Variants in PBX3 observed in about 807,000 individuals in gnomAD.
The protein encoded by PBX3 is PBX homeobox 3.
A neutral mutation model predicts 48.5 loss-of-function variants in PBX3; 14 were observed. The observed-to-expected ratio is 0.29, with a 90% confidence interval of 0.19 to 0.45. The LOEUF (loss-of-function observed/expected upper bound fraction) is 0.45. PBX3 is among the 20% of genes least tolerant of loss of function. PBX3 has a pLI of 1.00. For missense variants in PBX3, 386 were observed against 546.7 expected (o/e 0.71, Z 2.93); for synonymous variants, 210 against 200.3 (o/e 1.05, Z -0.41).
At chr9:125,815,864 T>G (rs1838444988) in intron 2 of PBX3, among the ~76,000 whole-genome samples, 1 of 152,166 alleles carries the variant, frequency 6.6e-6, no homozygotes, top group Non-Finnish European at 1.5e-5. Flanking sequence ...TCCTTCTCAT[T>G]GTAGATTTGG....
intron 2 of PBX3, among the ~76,000 whole-genome samples, chr9:125,864,415 C>T (rs1839932238): frequency 6.6e-6 from 1 of 152,120 alleles, no homozygotes; most frequent in Admixed American, 6.6e-5. Flanking sequence ...AGGATGGTTT[C>T]AGGATGATTC....
At position 125,765,429 on chromosome 9, in the gene PBX3, C is replaced by T. The variant is rs544700558; in HGVS notation, c.274+16806C>T. Among the ~76,000 whole-genome samples, 14 of 152,130 alleles carry T rather than the reference C, an allele frequency of 9.2e-5. No individual in the cohort carries two copies. The South Asian group carries it at 2.3e-3, about 25-fold the overall frequency. ...CCTCCCAGAGTGCTGGGATTACAGGCGTGAGGCACAGCGCCCGACCAAGAA... is the reference window on the plus strand; with the variant it reads ...CCTCCCAGAGTGCTGGGATTACAGGTGTGAGGCACAGCGCCCGACCAAGAA... On this transcript the variant is annotated intron_variant, in intron 2 of 8. Transcript: ENST00000373489.
intron 2 of PBX3, among the ~76,000 whole-genome samples, chr9:125,866,950 T>G (rs571419239): frequency 6.6e-6 from 1 of 152,228 alleles, no homozygotes; most frequent in Admixed American, 6.5e-5. Context: ...CATAAAGACG[T>G]GATTTTCATG....
In PBX3 at chr9:125,784,253, C is replaced by T. The variant is rs528930400; in HGVS notation, c.274+35630C>T. ...AAGTGATTCTTGTGCTTCAGCCTCC[C>T]GAGTAGCTGGGATTACAGGCGTATG... On this transcript the variant is annotated intron_variant, in intron 2 of 8. Coordinates refer to ENST00000373489, the MANE Select transcript of PBX3 (RefSeq NM_006195.6). Among the ~76,000 whole-genome samples, 136 of 152,206 alleles carry T rather than the reference C, an allele frequency of 8.9e-4. 2 individuals are homozygous for T. Among genetic ancestry groups the T allele is most frequent in the South Asian group, 3.5e-3 (17 of 4,816 alleles).
At chr9:125,899,203 T>A (rs1186805476) in intron 2 of PBX3, among the ~76,000 whole-genome samples, 4 of 127,790 alleles carry the variant, frequency 3.1e-5, no homozygotes, top group East Asian at 2.1e-4. Flanking sequence ...ATATATATAT[T>A]TATAAATATA....
chr9:125,805,687 A>G (rs921089028), intron 2 of PBX3, among the ~76,000 whole-genome samples: 7 of 152,220 alleles, frequency 4.6e-5, no homozygotes, highest in Non-Finnish European at 8.8e-5. Flanking sequence ...TGAATCTTGG[A>G]GAATTCTGGC....
intron 2 of PBX3, among the ~76,000 whole-genome samples, chr9:125,839,166 C>T (rs1248798895): frequency 6.6e-6 from 1 of 152,058 alleles, no homozygotes; most frequent in Non-Finnish European, 1.5e-5. Context: ...TAGTGGTTAC[C>T]TCATAGAGTA....
intron 5 of PBX3, among the ~76,000 whole-genome samples, chr9:125,937,360 T>TA (rs539276800): frequency 3.8e-3 from 573 of 151,824 alleles, no homozygotes; most frequent in Non-Finnish European, 4.9e-3. Context: ...GTGTTTTTTT[T>TA]AAAAAAAACA....
intron 8 of PBX3, among the ~76,000 whole-genome samples, chr9:125,965,452 A>G (rs1842511364): frequency 6.6e-6 from 1 of 152,132 alleles, no homozygotes; most frequent in South Asian, 2.1e-4. Context: ...GCCGGGGTGA[A>G]GTTTAGACTT....
chr9:125,769,374 C>CA (rs1836884119), intron 2 of PBX3, among the ~76,000 whole-genome samples: 1 of 152,172 alleles, frequency 6.6e-6, no homozygotes, highest in Admixed American at 6.5e-5. Context: ...TCTCAGGGAC[C>CA]ACCAGGGGTC....
At chr9:125,832,802 C>T (rs1163578580) in intron 2 of PBX3, among the ~76,000 whole-genome samples, 3 of 152,140 alleles carry the variant, frequency 2.0e-5, no homozygotes, top group Non-Finnish European at 4.4e-5. Flanking sequence ...CTCTTTACCA[C>T]CACTGCTTCA....
chr9:125,785,064 G>A lies in PBX3; in HGVS notation c.274+36441G>A, dbSNP rs1308914607. On this transcript the variant is annotated intron_variant, in intron 2 of 8. Transcript: ENST00000373489. ...CTAAAGTCTTTTGCCCCAGGTGGCTGCACATCTTTTCTTTTACTTATAATG... is the reference window on the plus strand; with the variant it reads ...CTAAAGTCTTTTGCCCCAGGTGGCTACACATCTTTTCTTTTACTTATAATG... Among the ~76,000 whole-genome samples the A allele has an allele frequency of 2.6e-5, 4 of 152,162 alleles. No individual in the cohort carries two copies. In the East Asian group the frequency reaches 7.7e-4, roughly 29 times the overall value.
chr9:125,789,638 G>C (rs1008577141), intron 2 of PBX3, among the ~76,000 whole-genome samples: 24 of 152,186 alleles, frequency 1.6e-4, no homozygotes, highest in Non-Finnish European at 4.4e-5. Context: ...GCCATATTCT[G>C]TTTGGTAGGG....
intron 2 of PBX3, among the ~76,000 whole-genome samples, chr9:125,772,922 G>A (rs549956426): frequency 1.3e-5 from 2 of 152,292 alleles, no homozygotes; most frequent in African/African-American, 4.8e-5. Context: ...CCAGAAAAAA[G>A]AGTGATATAT....
chr9:125,922,798 G>C (rs1841484162), intron 3 of PBX3, among the ~76,000 whole-genome samples: 1 of 152,118 alleles, frequency 6.6e-6, no homozygotes, highest in Non-Finnish European at 1.5e-5. Flanking sequence ...CTCTGAACCT[G>C]GTACAGATGA....
At chr9:125,761,155 A>G (rs1213588172) in intron 2 of PBX3, among the ~76,000 whole-genome samples, 1 of 152,160 alleles carries the variant, frequency 6.6e-6, no homozygotes, top group Non-Finnish European at 1.5e-5. Flanking sequence ...CTCAGTGCCA[A>G]TAAATTATAC....
chr9:125,882,746 C>T (rs1414242173), intron 2 of PBX3, among the ~76,000 whole-genome samples: 4 of 152,132 alleles, frequency 2.6e-5, no homozygotes, highest in Non-Finnish European at 5.9e-5. Flanking sequence ...GCTCTGTAAG[C>T]CTAGTTGGTA....
intron 2 of PBX3, among the ~76,000 whole-genome samples, chr9:125,910,602 G>A (rs1031543491): frequency 4.0e-5 from 6 of 151,648 alleles, no homozygotes; most frequent in Middle Eastern, 3.4e-3. Context: ...CATGAAAAAC[G>A]TGCACACACC....
intron 5 of PBX3, among the ~76,000 whole-genome samples, chr9:125,950,184 G>T (rs938390449): frequency 6.6e-6 from 1 of 152,178 alleles, no homozygotes; most frequent in East Asian, 1.9e-4. Context: ...TACTGTGGCC[G>T]CAAGGCTGAC....
Sources: gnomAD v4.1 joint callset for allele counts (sites outside exome capture counted in the v4.1 genomes callset) on GRCh38, gnomAD v4.1.1 for gene constraint, MANE v1.5 for transcripts, NCBI Gene and HGNC (gene_info 2026-07-23, HGNC 2026-07-21) for gene names.